Variants in LGR6 observed in about 807,000 individuals in gnomAD.
LGR6 encodes leucine-rich repeat-containing G protein-coupled receptor 6.
A neutral mutation model predicts 69.4 loss-of-function variants in LGR6; 45 were observed. The ratio of observed to expected loss-of-function variants is 0.65; its 90% CI spans 0.51 to 0.83. The LOEUF is 0.83. Ranked by LOEUF, LGR6 falls within the 40% of genes least tolerant of loss-of-function variation. LGR6 has a pLI of 0.00. For missense variants in LGR6, 1,108 were observed against 1,246.7 expected, an observed-to-expected ratio of 0.89 and a Z score of 1.68; for synonymous variants, 538 against 555.0, an observed-to-expected ratio of 0.97 and a Z score of 0.43.
At chr1:202,303,385 C>T (rs764624266) in intron 10 of LGR6, 38 bp downstream of exon 10, 8 of 1,520,364 alleles carry the variant, frequency 5.3e-6, no homozygotes, top group South Asian at 1.1e-5. Context: ...TCTATCGCCC[C>T]AGCTTCATTC....
chr1:202,310,457 G>T, intron 16 of LGR6, 100 bp downstream of exon 16: 2 of 1,168,634 alleles, frequency 1.7e-6, no homozygotes, highest in Non-Finnish European at 2.4e-6. Context: ...GACAGCAGCT[G>T]CAGAGGGAAG....
intron 6 of LGR6, among the ~76,000 whole-genome samples, chr1:202,284,613 C>G (rs566545461): frequency 6.6e-6 from 1 of 152,084 alleles, no homozygotes; most frequent in African/African-American, 2.4e-5. Context: ...AAGGTTTTCC[C>G]AGGAGGTCTC....
At chr1:202,301,369 C>T in intron 9 of LGR6, 134 bp downstream of exon 9, 1 of 726,570 alleles carries the variant, frequency 1.4e-6, no homozygotes, top group Admixed American at 2.2e-5. Flanking sequence ...GTCTTCAAGG[C>T]TGCAGGCCTC....
At chr1:202,203,927 G>C (rs749497152) in intron 1 of LGR6, 1 of 1,329,832 alleles carries the variant, frequency 7.5e-7, no homozygotes, top group Non-Finnish European at 1.1e-6. Context: ...TAGCACAGAG[G>C]GGGTGCGATT....
intron 1 of LGR6, among the ~76,000 whole-genome samples, chr1:202,215,536 G>A (rs1659718234): frequency 6.6e-6 from 1 of 152,174 alleles, no homozygotes; most frequent in Admixed American, 6.5e-5. Context: ...CAGAATGAGG[G>A]CTAGAAGAGA....
chr1:202,293,746 C>T (rs935888355), intron 6 of LGR6, among the ~76,000 whole-genome samples: 15 of 152,226 alleles, frequency 9.9e-5, no homozygotes, highest in Middle Eastern at 3.4e-3. Context: ...GGGAAAACTC[C>T]GGCCACCTCA....
chr1:202,220,211 A>G (rs1364903419), intron 1 of LGR6, among the ~76,000 whole-genome samples: 2 of 147,026 alleles, frequency 1.4e-5, no homozygotes, highest in Non-Finnish European at 3.0e-5. Flanking sequence ...TTACTCATAT[A>G]CTTCACACTA....
chr1:202,204,449 ACAC>A, intron 1 of LGR6, among the ~76,000 whole-genome samples: 2 of 34,046 alleles, frequency 5.9e-5, no homozygotes, highest in Admixed American at 3.6e-4. Flanking sequence ...ACACACCTCC[ACAC>A]ACACACACCT....
intron 15 of LGR6, among the ~76,000 whole-genome samples, 175 bp from the exon 16 acceptor site, chr1:202,310,022 C>T (rs1428276971): frequency 1.3e-5 from 2 of 152,188 alleles, no homozygotes; most frequent in African/African-American, 4.8e-5. Context: ...AGTCAGGCTG[C>T]AAGGCCCTTA....
chr1:202,298,163 C>T (rs1485735873), intron 7 of LGR6, among the ~76,000 whole-genome samples: 1 of 152,154 alleles, frequency 6.6e-6, no homozygotes. Flanking sequence ...AAACAGGGAG[C>T]AGGACAAAAT....
At chr1:202,251,175 C>T (rs1028360081) in intron 4 of LGR6, among the ~76,000 whole-genome samples, 2 of 152,154 alleles carry the variant, frequency 1.3e-5, no homozygotes, top group African/African-American at 4.8e-5. Flanking sequence ...CACTGGCTCT[C>T]TGTGCTGTGA....
At chr1:202,198,568 A>C (rs1658720710) in intron 1 of LGR6, among the ~76,000 whole-genome samples, 1 of 152,080 alleles carries the variant, frequency 6.6e-6, no homozygotes. Context: ...TGTTCTATGA[A>C]AGGCATAGGA....
chr1:202,277,733 GA>G (rs1440832711), intron 5 of LGR6, among the ~76,000 whole-genome samples: 2 of 151,260 alleles, frequency 1.3e-5, no homozygotes, highest in Non-Finnish European at 2.9e-5. Context: ...ATAAATATGG[GA>G]AAAAAATAAC....
At chr1:202,291,847 G>A (rs1339327744) in intron 6 of LGR6, among the ~76,000 whole-genome samples, 1 of 152,168 alleles carries the variant, frequency 6.6e-6, no homozygotes, top group Non-Finnish European at 1.5e-5. Context: ...CTATTACATA[G>A]TAATTACTAT....
At chr1:202,238,902 C>A (rs866503743) in intron 4 of LGR6, among the ~76,000 whole-genome samples, 26 of 152,258 alleles carry the variant, frequency 1.7e-4, no homozygotes, top group Middle Eastern at 6.8e-3. Context: ...CGGTTGGAAT[C>A]CCGAGAGCTC....
At chr1:202,205,086 A>T (rs1440867349) in intron 1 of LGR6, among the ~76,000 whole-genome samples, 1 of 80,994 alleles carries the variant, frequency 1.2e-5, no homozygotes, top group Non-Finnish European at 2.4e-5. Flanking sequence ...CCTCCTCCAC[A>T]CACACACACG....
chr1:202,194,402 G>C (rs923760314), intron 1 of LGR6: 23 of 589,178 alleles, frequency 3.9e-5, no homozygotes, highest in Non-Finnish European at 6.8e-5. Flanking sequence ...CAGGGAGACC[G>C]GGCTTCCCTG....
At chr1:202,206,000 G>A (rs1048552668) in intron 1 of LGR6, among the ~76,000 whole-genome samples, 48 of 126,732 alleles carry the variant, frequency 3.8e-4, no homozygotes, top group Non-Finnish European at 6.8e-5. Context: ...CCCTAGTATG[G>A]GTCTCCGCCT....
chr1:202,292,792 G>C (rs1666888791), intron 6 of LGR6, among the ~76,000 whole-genome samples: 1 of 152,214 alleles, frequency 6.6e-6, no homozygotes. Flanking sequence ...TTGCTACTGA[G>C]CACTTGAAGT....
Sources: allele counts gnomAD v4.1 joint callset (sites outside exome capture counted in the v4.1 genomes callset), GRCh38; gene constraint gnomAD v4.1.1; transcripts MANE v1.5; gene names NCBI Gene and HGNC (gene_info 2026-07-23, HGNC 2026-07-21).